The following MGST1 variants were observed in gnomAD, a reference collection of about 807,000 sequenced individuals.
MGST1 encodes the protein glutathione S-transferase 12.
MGST1 carries 5 observed loss-of-function variants against 8.9 expected under a neutral mutation model. The observed-to-expected ratio is 0.56, with a 90% CI of 0.29 to 1.19. MGST1 has a LOEUF of 1.19. MGST1 is among the 50% of genes most tolerant of loss of function. MGST1 has a pLI of 0.08. For synonymous variants in MGST1, 54 were observed against 67.8 expected (o/e 0.80, Z 1.00); for missense variants, 182 against 187.4 (o/e 0.97, Z 0.17).
chr12:16,377,417 A>T (rs1940399820), downstream of MGST1, among the ~76,000 whole-genome samples: 1 of 150,614 alleles, frequency 6.6e-6, no homozygotes, highest in South Asian at 2.1e-4. Flanking sequence ...TGTCCTTGCG[A>T]TAGTTTGCTG....
intron 4 of MGST1, among the ~76,000 whole-genome samples, chr12:16,563,387 G>C (rs1942473301): frequency 6.6e-6 from 1 of 152,144 alleles, no homozygotes; most frequent in African/African-American, 2.4e-5. Flanking sequence ...ATTTTCAAAT[G>C]TATAATGTTA....
intron 1 of MGST1, among the ~76,000 whole-genome samples, chr12:16,407,839 C>T (rs1180594574): frequency 1.3e-5 from 2 of 151,946 alleles, no homozygotes; most frequent in African/African-American, 4.8e-5. Flanking sequence ...CAAGACCATC[C>T]TGGCCAACGT....
rs143817837 is a variant in MGST1 at position 16,488,477 on chromosome 12, C to G, written n.483-101051C>G. Among the ~76,000 whole-genome samples the G allele has an allele frequency of 1.0e-3, 155 of 152,272 alleles. 3 individuals are homozygous for G. In the East Asian group the frequency reaches 0.026, roughly 25 times the overall value. ...CTGTCCAAGATGCTTTTCCTCTTCCCCATTGCGTTAGCCCACGGAACTAAG... is the reference window on the plus strand; with the variant it reads ...CTGTCCAAGATGCTTTTCCTCTTCCGCATTGCGTTAGCCCACGGAACTAAG... On this transcript the variant is annotated intron_variant and non_coding_transcript_variant, in intron 4 of 4. Transcript: ENST00000538857.
At chr12:16,437,773 A>G (rs1941001164) in exon 2 of MGST1, 1 of 152,038 alleles carries the variant, frequency 6.6e-6, no homozygotes, top group Non-Finnish European at 1.5e-5. Flanking sequence ...CAGGTATGAC[A>G]GAAAGTGAAA....
Position 16,560,682 on chromosome 12 carries a change from T to C in MGST1, n.483-28846T>C. 1 of 696,200 alleles carries C rather than the reference T, an allele frequency of 1.4e-6. No homozygotes were observed. The highest frequency in any genetic ancestry group is 2.4e-6 in the Non-Finnish European group (1 of 409,520). The allele number at this position is 696,200 out of a possible 1,614,324, so 43.1% of individuals were successfully genotyped here. Reference sequence around the variant, plus strand: ...ACAAGTGGATTTTATCCTAGGTGTATGCATAAATATTCTTCTGCAATATAT... The same window carrying C: ...ACAAGTGGATTTTATCCTAGGTGTACGCATAAATATTCTTCTGCAATATAT... On this transcript the variant is annotated intron_variant and non_coding_transcript_variant, in intron 4 of 4. Coordinates refer to the MGST1 transcript ENST00000538857. This position sits in a 1 kb window ranked among gnomAD's most constrained non-coding sequence, Gnocchi z 5.0.
rs1943344661 is a variant in MGST1 at position 16,587,071 on chromosome 12, C to G, written n.483-2457C>G. Among the ~76,000 whole-genome samples, 1 of 152,128 alleles carries G rather than the reference C, an allele frequency of 6.6e-6. No individual in the cohort carries two copies. The highest frequency in any genetic ancestry group is 2.4e-5 in the African/African-American group (1 of 41,434). ...TTTTCCTTCTCAAAAGGTCTTGTTACAAATCTAATGCATTTAACTACCAAA... is the reference window on the plus strand; with the variant it reads ...TTTTCCTTCTCAAAAGGTCTTGTTAGAAATCTAATGCATTTAACTACCAAA... On this transcript the variant is annotated intron_variant and non_coding_transcript_variant, in intron 4 of 4. Transcript: ENST00000538857. This position sits in a 1 kb window ranked among gnomAD's most constrained non-coding sequence, Gnocchi z 4.3.
intron 4 of MGST1, chr12:16,514,337 C>T: frequency 3.3e-6 from 1 of 299,896 alleles, no homozygotes; most frequent in African/African-American, 2.2e-5. Context: ...TCCAACCCTC[C>T]CCTCAATGGG....
chr12:16,515,318 C>T (rs1016209494), intron 4 of MGST1, among the ~76,000 whole-genome samples: 9 of 152,180 alleles, frequency 5.9e-5, no homozygotes, highest in Admixed American at 1.3e-4. Context: ...CCCATTCTAC[C>T]GCATGATTGA....
rs572147225 is a variant in MGST1 at position 16,426,969 on chromosome 12, CAA to C, written n.779-10402_779-10401del. The stretch of plus-strand genomic sequence containing the variant: ...TGGGTGACAGAGCGAGACTCTGTCT[CAA>C]AAAAAAAAAAAAAAAAGCTGAACAA... On this transcript the variant is annotated intron_variant and non_coding_transcript_variant, in intron 1 of 1. Transcript: ENST00000359720. 3.9e-4 allele frequency among the ~76,000 whole-genome samples: 33 copies of C among 84,294 alleles called. No individual in the cohort carries two copies. The South Asian group carries it at 5.3e-3, about 13-fold the overall frequency. 55.3% of individuals were successfully genotyped at this position (84,294 alleles called of 152,430 possible).
At chr12:16,447,587 T>C (rs754829862) in intron 4 of MGST1, among the ~76,000 whole-genome samples, 194 of 152,108 alleles carry the variant, frequency 1.3e-3, no homozygotes, top group East Asian at 1.8e-3. Flanking sequence ...TGATCTCATA[T>C]GTCGGGATAC....
intron 1 of MGST1, among the ~76,000 whole-genome samples, chr12:16,419,921 C>T (rs1303623943): frequency 1.3e-5 from 2 of 152,102 alleles, no homozygotes; most frequent in African/African-American, 4.8e-5. Context: ...GAACAGACTA[C>T]TTGAATCTGT....
rs537773412 is a variant in MGST1 at position 16,458,501 on chromosome 12, T to G, written n.482+74897T>G. ...TCACATTAACAATGAAATAGGTCCA[T>G]TAACATACGATGCTATTGGTGAAAC... On this transcript the variant is annotated intron_variant and non_coding_transcript_variant, in intron 4 of 4. Transcript: ENST00000538857. This position sits in a 1 kb window ranked among gnomAD's most constrained non-coding sequence, Gnocchi z 4.0. 1.8e-4 allele frequency among the ~76,000 whole-genome samples: 28 copies of G among 152,184 alleles called. No individual in the cohort carries two copies. Among genetic ancestry groups the G allele is most frequent in the African/African-American group, 5.8e-4 (24 of 41,556 alleles).
chr12:16,485,974 G>A (rs1160881568), intron 4 of MGST1, among the ~76,000 whole-genome samples: 1 of 152,086 alleles, frequency 6.6e-6, no homozygotes, highest in Non-Finnish European at 1.5e-5. Context: ...CACATAAGGG[G>A]CTTCGATGAC....
chr12:16,554,141 T>G (rs1239489993), intron 4 of MGST1, among the ~76,000 whole-genome samples: 1 of 152,208 alleles, frequency 6.6e-6, no homozygotes, highest in Non-Finnish European at 1.5e-5. Flanking sequence ...TTTAGCTGAC[T>G]TCATATAGTC....
chr12:16,421,982 G>A (rs371562663), intron 1 of MGST1, among the ~76,000 whole-genome samples: 37 of 152,260 alleles, frequency 2.4e-4, no homozygotes, highest in African/African-American at 8.2e-4. Flanking sequence ...TGGCTGGTTG[G>A]ACATTTTTGG....
Position 16,518,457 on chromosome 12 carries a change from T to C in MGST1, n.483-71071T>C, listed in dbSNP as rs147792036. ...TCATTTAGTTTTGAAAAGTTTTATT[T>C]ATTATAGCTAACACTAGTCAAAATG... is the stretch of plus-strand genomic sequence containing the variant. On this transcript the variant is annotated intron_variant and non_coding_transcript_variant, in intron 4 of 4. Coordinates refer to the MGST1 transcript ENST00000538857. 2.0e-4 allele frequency among the ~76,000 whole-genome samples: 31 copies of C among 152,340 alleles called. No homozygotes were observed. The East Asian group carries it at 4.8e-3, about 24-fold the overall frequency.
At chr12:16,454,906 G>GAGATGGGA (rs1249893845) in intron 4 of MGST1, among the ~76,000 whole-genome samples, 8 of 138,014 alleles carry the variant, frequency 5.8e-5, no homozygotes, top group Non-Finnish European at 9.0e-5. Context: ...AAAAAAAAAG[G>GAGATGGGA]AGATGGGAAG....
At chr12:16,451,467 C>T (rs1299205368) in intron 4 of MGST1, among the ~76,000 whole-genome samples, 2 of 151,724 alleles carry the variant, frequency 1.3e-5, no homozygotes, top group Non-Finnish European at 2.9e-5. Context: ...AAACTTTGTT[C>T]CATAGCTGAA....
At chr12:16,504,446 G>T (rs1277663029) in intron 4 of MGST1, among the ~76,000 whole-genome samples, 2 of 151,938 alleles carry the variant, frequency 1.3e-5, no homozygotes, top group Non-Finnish European at 2.9e-5. Flanking sequence ...TGCCTTTAGG[G>T]GGGACTTTTT....
Sources: allele counts gnomAD v4.1 joint callset (sites outside exome capture counted in the v4.1 genomes callset), GRCh38; gene constraint gnomAD v4.1.1; non-coding constraint Gnocchi (gnomAD v3.1); transcripts MANE v1.5; gene names NCBI Gene and HGNC (gene_info 2026-07-23, HGNC 2026-07-21).